Variants in PRKD1 observed in about 807,000 individuals in gnomAD.
PRKD1 encodes the protein protein kinase D1, also known as serine/threonine-protein kinase D1.
A neutral mutation model predicts 95.9 loss-of-function variants in PRKD1; 63 were observed. The ratio of observed to expected loss-of-function variants is 0.66; its 90% confidence interval spans 0.54 to 0.81. PRKD1 has a LOEUF of 0.81. PRKD1 is among the 30% of genes least tolerant of loss of function. PRKD1 has a pLI of 0.00. For synonymous variants in PRKD1, 425 were observed against 423.1 expected (o/e 1.00, Z -0.05); for missense variants, 1,048 against 1,165.3 (o/e 0.90, Z 1.47).
At chr14:29,774,489 G>T (rs961889720) in intron 1 of PRKD1, among the ~76,000 whole-genome samples, 1 of 152,072 alleles carries the variant, frequency 6.6e-6, no homozygotes, top group Non-Finnish European at 1.5e-5. Flanking sequence ...CTTACTGAGG[G>T]CTCACTATGA....
At chr14:29,850,279 A>G (rs1041780918) in intron 1 of PRKD1, among the ~76,000 whole-genome samples, 13 of 152,194 alleles carry the variant, frequency 8.5e-5, no homozygotes, top group Admixed American at 8.5e-4. Context: ...CTCTTTGCTA[A>G]TGATATGATT....
chr14:29,612,518 A>C (rs1172887457), intron 13 of PRKD1, among the ~76,000 whole-genome samples: 1 of 152,210 alleles, frequency 6.6e-6, no homozygotes, highest in Non-Finnish European at 1.5e-5. Flanking sequence ...CATGATTTCT[A>C]ATGCACAGTT....
chr14:29,662,449 C>T (rs570130453), intron 4 of PRKD1, among the ~76,000 whole-genome samples: 7 of 152,200 alleles, frequency 4.6e-5, no homozygotes, highest in South Asian at 2.1e-4. Flanking sequence ...ATCATGCATA[C>T]ATATTCTGAA....
At chr14:29,764,866 T>C (rs1419370037) in intron 1 of PRKD1, among the ~76,000 whole-genome samples, 3 of 152,224 alleles carry the variant, frequency 2.0e-5, no homozygotes, top group African/African-American at 7.2e-5. Context: ...TGGATGGCCT[T>C]ACTAGTGGAA....
rs1432484518 is a variant in PRKD1 at position 29,624,197 on chromosome 14, T to A, written c.1860A>T (p.Pro620=). The A allele has an allele frequency of 1.2e-6, 2 of 1,606,008 alleles. No individual in the cohort carries two copies. Among genetic ancestry groups the A allele is most frequent in the Non-Finnish European group, 1.7e-6 (2 of 1,175,792 alleles). ...TACGAAGCTGGCTTTCTTGTTTTGT[T>A]GGAAATCGTAATTTGTCAATGATTT... is the stretch of plus-strand genomic sequence containing the variant. ...AIKIIDKLRF[P]TKQESQLRNE... Residue 620 remains proline (P), a synonymous_variant, in exon 13 of 18, where the codon CCA becomes CCT. Coordinates refer to ENST00000331968, the MANE Select transcript of PRKD1 (RefSeq NM_002742.3).
Position 29,815,837 on chromosome 14 carries a change from T to C in PRKD1, c.265-90163A>G, listed in dbSNP as rs1226825424. ...TTAAATGTGGTACCTCTTCTTGACA[T>C]ATTAATAATACTCATTTCTTTATTA... On this transcript the variant is annotated intron_variant, in intron 1 of 17. Transcript: ENST00000331968. Among the ~76,000 whole-genome samples the C allele has an allele frequency of 2.0e-5, 3 of 152,198 alleles. No individual in the cohort carries two copies. The East Asian group carries it at 5.8e-4, about 29-fold the overall frequency.
In PRKD1 at chr14:29,788,320, C is replaced by A. The variant is rs148222116; in HGVS notation, c.265-62646G>T. Among the ~76,000 whole-genome samples, 428 of 152,238 alleles carry A rather than the reference C, an allele frequency of 2.8e-3. 3 individuals are homozygous for A. Among genetic ancestry groups the A allele is most frequent in the Middle Eastern group, 0.027 (8 of 294 alleles). ...GGGGATTCCCTTACAGATGACTTGA[C>A]ACTTTTCTATTGCTGTTTTTAGAAT... On this transcript the variant is annotated intron_variant, in intron 1 of 17. Transcript: ENST00000331968.
At chr14:29,810,558 C>G (rs1272157067) in intron 1 of PRKD1, among the ~76,000 whole-genome samples, 1 of 152,146 alleles carries the variant, frequency 6.6e-6, no homozygotes, top group Non-Finnish European at 1.5e-5. Flanking sequence ...AAATCATATC[C>G]CTTTGAATTC....
chr14:29,850,613 G>A (rs1369937610), intron 1 of PRKD1, among the ~76,000 whole-genome samples: 2 of 151,768 alleles, frequency 1.3e-5, no homozygotes, highest in African/African-American at 4.8e-5. Context: ...TCCTGCTCAT[G>A]GATTGGATGA....
At chr14:29,859,795 T>C (rs1251490032) in intron 1 of PRKD1, among the ~76,000 whole-genome samples, 1 of 152,138 alleles carries the variant, frequency 6.6e-6, no homozygotes, top group African/African-American at 2.4e-5. Flanking sequence ...GTAGTAAACA[T>C]TCAAAGCATG....
At chr14:29,783,747 T>G (rs927449131) in intron 1 of PRKD1, among the ~76,000 whole-genome samples, 8 of 152,214 alleles carry the variant, frequency 5.3e-5, no homozygotes, top group African/African-American at 1.9e-4. Flanking sequence ...AGAGAGATGC[T>G]GAGCATTTTT....
At chr14:29,860,711 C>T (rs997027016) in intron 1 of PRKD1, among the ~76,000 whole-genome samples, 1 of 152,154 alleles carries the variant, frequency 6.6e-6, no homozygotes, top group Non-Finnish European at 1.5e-5. Flanking sequence ...TAAACATGTA[C>T]AATTTAGGAA....
intron 2 of PRKD1, among the ~76,000 whole-genome samples, chr14:29,673,388 C>T (rs925329914): frequency 1.7e-4 from 26 of 152,194 alleles, no homozygotes; most frequent in African/African-American, 6.3e-4. Flanking sequence ...GTCAATCCCT[C>T]CTTCTGTTTT....
intron 2 of PRKD1, among the ~76,000 whole-genome samples, chr14:29,701,162 C>T (rs968490485): frequency 6.6e-6 from 1 of 152,152 alleles, no homozygotes; most frequent in African/African-American, 2.4e-5. Flanking sequence ...TTTTGAACTT[C>T]CTTACCAAAG....
intron 2 of PRKD1, among the ~76,000 whole-genome samples, chr14:29,674,097 T>C (rs1424856384): frequency 2.0e-5 from 3 of 152,110 alleles, no homozygotes; most frequent in Non-Finnish European, 4.4e-5. Context: ...GGATGAAGTG[T>C]ATGGGCTTTG....
chr14:29,610,519 C>G (rs977680969), intron 13 of PRKD1, among the ~76,000 whole-genome samples: 3 of 152,156 alleles, frequency 2.0e-5, no homozygotes, highest in African/African-American at 7.2e-5. Context: ...CCGACAAGGC[C>G]AAATGCTGGC....
At chr14:29,851,067 C>T (rs959402384) in intron 1 of PRKD1, among the ~76,000 whole-genome samples, 6 of 150,962 alleles carry the variant, frequency 4.0e-5, no homozygotes, top group Non-Finnish European at 1.5e-5. Context: ...TCAAATTGGA[C>T]CCTGAACTAA....
At chr14:29,720,487 A>G (rs949227935) in intron 2 of PRKD1, among the ~76,000 whole-genome samples, 2 of 152,122 alleles carry the variant, frequency 1.3e-5, no homozygotes, top group Non-Finnish European at 2.9e-5. Context: ...AACAAAAAAA[A>G]TCCTGAAGCC....
chr14:29,737,752 C>G (rs1243565290), intron 1 of PRKD1, among the ~76,000 whole-genome samples: 2 of 152,126 alleles, frequency 1.3e-5, no homozygotes, highest in Admixed American at 6.5e-5. Flanking sequence ...AAGGGACAGT[C>G]CAAAGTTGTT....
Sources: allele counts gnomAD v4.1 joint callset (sites outside exome capture counted in the v4.1 genomes callset), GRCh38; gene constraint gnomAD v4.1.1; transcripts MANE v1.5; gene names NCBI Gene and HGNC (gene_info 2026-07-23, HGNC 2026-07-21).